Variants in GPHN observed in about 807,000 individuals in gnomAD.
GPHN encodes the protein gephyrin.
In GPHN, 17 loss-of-function variants were observed where a neutral mutation model predicts 95.5. That is an observed-to-expected ratio of 0.18 (90% CI 0.12 to 0.27). The LOEUF (loss-of-function observed/expected upper bound fraction) is 0.27. GPHN is among the 10% of genes least tolerant of loss of function. The pLI is 1.00. For synonymous variants in GPHN, 320 were observed against 322.5 expected (o/e 0.99, Z 0.08); for missense variants, 660 against 978.1 (o/e 0.67, Z 4.34).
At chr14:67,631,909 C>T in the GPHN span, among the ~76,000 whole-genome samples, 32 of 152,152 alleles carry the variant, frequency 2.1e-4, no homozygotes, top group African/African-American at 7.2e-4. Context: ...GGGTCTTGCT[C>T]TGTCACCCAG....
At chr14:67,291,396 C>T in the GPHN span, among the ~76,000 whole-genome samples, 1 of 152,020 alleles carries the variant, frequency 6.6e-6, no homozygotes, top group Non-Finnish European at 1.5e-5. Flanking sequence ...CAGGGTTCTC[C>T]TGCCTCGCCT....
chr14:67,571,749 C>T, the GPHN span: 1 of 1,612,140 alleles, frequency 6.2e-7, no homozygotes, highest in Non-Finnish European at 8.5e-7. Flanking sequence ...GCCTGTCTTG[C>T]AGAGAGCTAC....
Position 66,851,156 on chromosome 14 carries a change from C to CA in GPHN, c.294+26600dup, listed in dbSNP as rs78595378. Among the ~76,000 whole-genome samples, 1,006 of 143,908 alleles carry CA rather than the reference C, an allele frequency of 7.0e-3. 14 individuals are homozygous for CA. Among genetic ancestry groups the CA allele is most frequent in the African/African-American group, 0.023 (889 of 39,248 alleles). 94.4% of individuals were successfully genotyped at this position (143,908 alleles called of 152,430 possible). ...TATTCCTTACCTTTTATTTAATTTA[C>CA]AAAAAAAAAACCCACAAATAGTAAG... On this transcript the variant is annotated intron_variant, in intron 4 of 22. Transcript: ENST00000478722.
chr14:67,587,361 AT>A, the GPHN span: 2 of 1,112,608 alleles, frequency 1.8e-6, no homozygotes, highest in Non-Finnish European at 2.7e-6. Context: ...TGAAATGTGT[AT>A]TTTAGTCTCT....
At chr14:67,370,597 T>A in the GPHN span, among the ~76,000 whole-genome samples, 2 of 152,302 alleles carry the variant, frequency 1.3e-5, no homozygotes, top group African/African-American at 4.8e-5. Flanking sequence ...ATGCCAATCA[T>A]CTCAACAAAT....
At chr14:67,265,359 C>G in the GPHN span, among the ~76,000 whole-genome samples, 2 of 152,018 alleles carry the variant, frequency 1.3e-5, no homozygotes, top group South Asian at 4.1e-4. Context: ...GAGTTGAAGA[C>G]CAGACTGGGC....
At chr14:67,417,978 G>T in the GPHN span, among the ~76,000 whole-genome samples, 1 of 152,010 alleles carries the variant, frequency 6.6e-6, no homozygotes, top group African/African-American at 2.4e-5. Context: ...ACTCCTGGGC[G>T]CAAGTGATCC....
intron 1 of GPHN, among the ~76,000 whole-genome samples, chr14:66,655,749 T>C (rs1340802414): frequency 1.3e-5 from 2 of 152,094 alleles, no homozygotes; most frequent in African/African-American, 4.8e-5. Context: ...ACAATGCTAT[T>C]TTTTACCAAG....
intron 3 of GPHN, among the ~76,000 whole-genome samples, chr14:66,789,839 T>C (rs1422240146): frequency 6.6e-6 from 1 of 152,218 alleles, no homozygotes; most frequent in Non-Finnish European, 1.5e-5. Context: ...GCTGAGTATC[T>C]TTCCATAACT....
chr14:66,692,940 T>C (rs1440563532), intron 2 of GPHN, among the ~76,000 whole-genome samples: 2 of 152,090 alleles, frequency 1.3e-5, no homozygotes, highest in Non-Finnish European at 2.9e-5. Flanking sequence ...CATTGCACTT[T>C]AAAAAATTAT....
the GPHN span, among the ~76,000 whole-genome samples, chr14:67,496,391 G>GCT: frequency 1.7e-4 from 5 of 30,108 alleles, no homozygotes; most frequent in African/African-American, 6.5e-4. Flanking sequence ...CTGCTCCGGC[G>GCT]TTTTTTTTTT....
chr14:67,616,988 C>G, the GPHN span: 1 of 152,146 alleles, frequency 6.6e-6, no homozygotes, highest in East Asian at 1.9e-4. Flanking sequence ...AATTGCCCTG[C>G]CTCAGCCTCC....
the GPHN span, chr14:67,254,305 G>A: frequency 6.6e-6 from 1 of 150,662 alleles, no homozygotes; most frequent in Non-Finnish European, 1.5e-5. Context: ...CTTGTTGAAT[G>A]AAAAGGTAGT....
At chr14:67,562,573 G>A in the GPHN span, 2 of 1,612,354 alleles carry the variant, frequency 1.2e-6, no homozygotes, top group Non-Finnish European at 1.7e-6. Context: ...CCCTACCAAA[G>A]GTGCGGGCTC....
the GPHN span, among the ~76,000 whole-genome samples, chr14:67,379,496 G>A: frequency 6.6e-6 from 1 of 151,996 alleles, no homozygotes; most frequent in Non-Finnish European, 1.5e-5. Context: ...ATACATTTAT[G>A]TTGGTTGTCT....
At chr14:66,550,733 C>A (rs1444561097) in intron 1 of GPHN, among the ~76,000 whole-genome samples, 1 of 152,238 alleles carries the variant, frequency 6.6e-6, no homozygotes, top group Non-Finnish European at 1.5e-5. Context: ...CCTTCAGCAG[C>A]CACCACCCTG....
chr14:67,562,496 G>A, the GPHN span: 1 of 1,612,460 alleles, frequency 6.2e-7, no homozygotes, highest in Non-Finnish European at 8.5e-7. Context: ...TCTGGTTACT[G>A]CTCAGAGAGG....
chr14:66,725,587 A>G (rs1026944368), intron 2 of GPHN, among the ~76,000 whole-genome samples: 5 of 152,044 alleles, frequency 3.3e-5, no homozygotes, highest in Non-Finnish European at 7.4e-5. Context: ...GGGTTCAAGC[A>G]ATTCTCCTGC....
At chr14:67,069,057 CTT>C (rs1434367314) in intron 11 of GPHN, among the ~76,000 whole-genome samples, 1 of 152,162 alleles carries the variant, frequency 6.6e-6, no homozygotes, top group Non-Finnish European at 1.5e-5. Flanking sequence ...TCAAGACACT[CTT>C]TGGCTCTTTT....
Sources: gnomAD v4.1 joint callset for allele counts (sites outside exome capture counted in the v4.1 genomes callset) on GRCh38, gnomAD v4.1.1 for gene constraint, MANE v1.5 for transcripts, NCBI Gene and HGNC (gene_info 2026-07-23, HGNC 2026-07-21) for gene names.